LRP1B: variants seen among roughly 807,000 people sequenced by gnomAD.
LRP1B encodes the protein LDL receptor related protein 1B.
LRP1B carries 217 observed loss-of-function variants against 556.6 expected under a neutral mutation model. The observed-to-expected ratio is 0.39, with a 90% CI of 0.35 to 0.44. The LOEUF is 0.44. Among genes scored for constraint, LRP1B ranks in the 20% least tolerant of loss-of-function variants. The pLI is 1.00. For synonymous variants in LRP1B, 2,047 were observed against 1,865.8 expected, an observed-to-expected ratio of 1.10 and a Z score of -2.50; for missense variants, 5,053 against 5,620.8, an observed-to-expected ratio of 0.90 and a Z score of 3.23.
In LRP1B at chr2:140,356,468, C is replaced by T. The variant is rs756410307; in HGVS notation, c.11404G>A (p.Glu3802Lys). 13 of 1,601,282 alleles carry T rather than the reference C, an allele frequency of 8.1e-6. No homozygotes were observed. Among genetic ancestry groups the T allele is most frequent in the Middle Eastern group, 3.3e-4 (2 of 6,032 alleles). Residue 3802 changes from glutamate (E) to lysine (K), a missense_variant, in exon 75 of 91, where the codon GAA (glutamate) becomes AAA (lysine). By Grantham distance (56) the Glu-to-Lys change is moderately conservative. Transcript: ENST00000389484. The stretch of plus-strand genomic sequence containing the variant: ...TTCACATTATCTTCACAGGTATATT[C>T]AGTAGGAGCTGGGATTTAAAAATAT... ...DEQGCRIAPT[E>K]YTCEDNVNPC...
intron 2 of LRP1B, among the ~76,000 whole-genome samples, chr2:141,640,569 C>A (rs1434409211): frequency 2.0e-5 from 3 of 152,082 alleles, no homozygotes; most frequent in South Asian, 4.1e-4. Flanking sequence ...CTTTAGAAGA[C>A]CAAGGGTGGG....
chr2:141,274,550 T>C (rs1210462460), intron 3 of LRP1B, among the ~76,000 whole-genome samples: 1 of 152,192 alleles, frequency 6.6e-6, no homozygotes. Flanking sequence ...CTGGGGGATA[T>C]TGTGGGAAAA....
At chr2:140,423,391 A>G (rs1454251206) in intron 66 of LRP1B, among the ~76,000 whole-genome samples, 2 of 152,306 alleles carry the variant, frequency 1.3e-5, no homozygotes, top group African/African-American at 2.4e-5. Flanking sequence ...AAAATTTTCA[A>G]TACATTGAAG....
chr2:141,114,470 G>A (rs1226806223), intron 7 of LRP1B, among the ~76,000 whole-genome samples: 1 of 152,108 alleles, frequency 6.6e-6, no homozygotes, highest in Non-Finnish European at 1.5e-5. Flanking sequence ...GTGTGAAGAC[G>A]ATCTTCCCCT....
intron 66 of LRP1B, among the ~76,000 whole-genome samples, chr2:140,417,397 T>C (rs1203671659): frequency 3.9e-5 from 6 of 152,194 alleles, no homozygotes; most frequent in African/African-American, 1.2e-4. Flanking sequence ...ACTGCTGAAA[T>C]AGCAGAGGAT....
intron 6 of LRP1B, among the ~76,000 whole-genome samples, chr2:141,208,943 G>T (rs1682418070): frequency 7.1e-6 from 1 of 140,344 alleles, no homozygotes; most frequent in Non-Finnish European, 1.5e-5. Context: ...CAATCTGAAG[G>T]CCTTCTCCCT....
At position 140,233,842 on chromosome 2, in the gene LRP1B, T is replaced by A. The variant is rs571393925; in HGVS notation, c.13660-516A>T. ...GTATCAGATTTTTAAAGCAATATTT[T>A]TGCCTCAAACAACCTGTGTGTACTT... is the stretch of plus-strand genomic sequence containing the variant. On this transcript the variant is annotated intron_variant, in intron 90 of 90. Transcript: ENST00000389484. Among the ~76,000 whole-genome samples the A allele has an allele frequency of 3.3e-5, 5 of 151,450 alleles. No individual in the cohort carries two copies. In the South Asian group the frequency reaches 1.0e-3, roughly 31 times the overall value.
At chr2:141,648,714 G>A (rs1403753382) in intron 2 of LRP1B, among the ~76,000 whole-genome samples, 1 of 152,164 alleles carries the variant, frequency 6.6e-6, no homozygotes, top group Non-Finnish European at 1.5e-5. Context: ...GAAGATATTA[G>A]GAGTGAACAG....
chr2:142,024,620 G>GT (rs3041443), intron 1 of LRP1B, among the ~76,000 whole-genome samples: 66,429 of 130,932 alleles, frequency 0.51, 17,230 homozygotes, highest in East Asian at 0.6. Context: ...CAGCTGAAAT[G>GT]TTTTTTTTTT....
At chr2:141,948,022 G>T (rs1198491218) in intron 1 of LRP1B, among the ~76,000 whole-genome samples, 3 of 152,046 alleles carry the variant, frequency 2.0e-5, no homozygotes, top group Non-Finnish European at 2.9e-5. Flanking sequence ...GATAGGCCAG[G>T]CACAGTGGCT....
chr2:141,713,509 G>A (rs968458886), intron 2 of LRP1B, among the ~76,000 whole-genome samples: 1 of 152,098 alleles, frequency 6.6e-6, no homozygotes, highest in Admixed American at 6.6e-5. Flanking sequence ...GATAAATGCG[G>A]TATCTGTTAA....
chr2:140,803,999 G>A (rs1690620516), intron 32 of LRP1B, among the ~76,000 whole-genome samples: 1 of 151,368 alleles, frequency 6.6e-6, no homozygotes, highest in African/African-American at 2.4e-5. Context: ...CTTCTGAAAA[G>A]CAAAGATTCC....
At chr2:140,289,764 C>A (rs1683300280) in intron 84 of LRP1B, among the ~76,000 whole-genome samples, 1 of 151,702 alleles carries the variant, frequency 6.6e-6, no homozygotes, top group Admixed American at 6.6e-5. Flanking sequence ...AATTATTTTA[C>A]CCTTACCTCA....
chr2:141,862,063 T>A (rs1301063880), intron 1 of LRP1B, among the ~76,000 whole-genome samples: 2 of 152,184 alleles, frequency 1.3e-5, no homozygotes, highest in African/African-American at 4.8e-5. Context: ...TATGTAGTCA[T>A]AAACCAATTT....
intron 27 of LRP1B, among the ~76,000 whole-genome samples, chr2:140,858,501 GGAGAGAGA>G (rs35791983): frequency 4.4e-4 from 62 of 139,934 alleles, no homozygotes; most frequent in African/African-American, 1.3e-3. Context: ...TTATATATAT[GGAGAGAGA>G]GAGAGAGAGA....
At chr2:141,114,635 G>T (rs960604232) in intron 7 of LRP1B, among the ~76,000 whole-genome samples, 1 of 152,058 alleles carries the variant, frequency 6.6e-6, no homozygotes, top group Non-Finnish European at 1.5e-5. Context: ...GGGTGTGGTG[G>T]GTCAGAGTAG....
intron 41 of LRP1B, among the ~76,000 whole-genome samples, chr2:140,619,586 G>A (rs1236300115): frequency 2.6e-5 from 4 of 152,098 alleles, no homozygotes; most frequent in African/African-American, 7.2e-5. Flanking sequence ...GGGAGTCCCC[G>A]TATAACCTTG....
chr2:142,007,716 T>C (rs1702842795), intron 1 of LRP1B, among the ~76,000 whole-genome samples: 1 of 152,218 alleles, frequency 6.6e-6, no homozygotes. Context: ...TATCTTGAAG[T>C]CCAATTTTGG....
chr2:140,940,932 G>C (rs1432691112), intron 20 of LRP1B, among the ~76,000 whole-genome samples: 1 of 152,072 alleles, frequency 6.6e-6, no homozygotes, highest in Non-Finnish European at 1.5e-5. Context: ...GCTAGCATCT[G>C]TTTCTTGACT....
Sources: allele counts gnomAD v4.1 joint callset (sites outside exome capture counted in the v4.1 genomes callset), GRCh38; gene constraint gnomAD v4.1.1; transcripts MANE v1.5; gene names NCBI Gene and HGNC (gene_info 2026-07-23, HGNC 2026-07-21).